The following XG variants were observed in gnomAD, a reference collection of about 807,000 sequenced individuals.
XG encodes Xg glycoprotein (Xg blood group).
In XG, 24 loss-of-function variants were observed where a neutral mutation model predicts 25.7. The ratio of observed to expected loss-of-function variants is 0.93; its 90% CI spans 0.68 to 1.31. The LOEUF is 1.31. Among genes scored for constraint, XG ranks in the 40% most tolerant of loss-of-function variants. The probability of loss-of-function intolerance (pLI) is 0.00; values close to 1 mark genes in which losing one functional copy is unlikely to be tolerated. For missense variants in XG, 181 were observed against 187.6 expected, an observed-to-expected ratio of 0.96 and a Z score of 0.21; for synonymous variants, 77 against 69.2, an observed-to-expected ratio of 1.11 and a Z score of -0.56.
Position 2,759,366 on chromosome X carries a change from G to A in XG, c.61+7031G>A. On this transcript the variant is annotated intron_variant, in intron 1 of 10. Transcript: ENST00000644266. ...GACAGGTTGGAAATGTCATGCTCCTGTACGCTGTAGGAGGTATAGTTGTCT... is the reference window on the plus strand; with the variant it reads ...GACAGGTTGGAAATGTCATGCTCCTATACGCTGTAGGAGGTATAGTTGTCT... Among the ~76,000 whole-genome samples the A allele has an allele frequency of 2.0e-5, 3 of 152,124 alleles. No individual in the cohort carries two copies. The Middle Eastern group carries it at 0.01, about 517-fold the overall frequency.
At chrX:2,757,057 A>G (rs1403563732) in intron 1 of XG, among the ~76,000 whole-genome samples, 1 of 151,640 alleles carries the variant, frequency 6.6e-6, no homozygotes, top group Non-Finnish European at 1.5e-5. Context: ...GATGGAGATG[A>G]CTCTTAGCGG....
intron 4 of XG, among the ~76,000 whole-genome samples, chrX:2,785,174 C>T (rs1168965365): frequency 8.9e-6 from 1 of 112,229 alleles, no homozygotes; most frequent in Non-Finnish European, 1.9e-5. Flanking sequence ...CGGCCTTTTA[C>T]TGAAAACTCA....
chrX:2,776,589 AAAG>A (rs1379090699), intron 3 of XG, among the ~76,000 whole-genome samples: 4 of 152,054 alleles, frequency 2.6e-5, no homozygotes, highest in Non-Finnish European at 5.9e-5. Flanking sequence ...ATTCAGGTGG[AAAG>A]AAGGCTAGGT....
intron 7 of XG, among the ~76,000 whole-genome samples, chrX:2,803,499 C>G (rs1264607938): frequency 1.8e-5 from 2 of 110,791 alleles, no homozygotes; most frequent in Non-Finnish European, 3.8e-5. Flanking sequence ...TCAAATCAGT[C>G]TCCCCAGGCA....
chrX:2,752,389 C>T, intron 1 of XG, 54 bp downstream of exon 1: 4 of 1,611,278 alleles, frequency 2.5e-6, no homozygotes, highest in Non-Finnish European at 3.4e-6. Flanking sequence ...TTTTTCTATT[C>T]TTGCTTTAAG....
At chrX:2,813,369 T>C (rs2087075356) in intron 10 of XG, among the ~76,000 whole-genome samples, 1 of 111,653 alleles carries the variant, frequency 9.0e-6, no homozygotes, top group African/African-American at 3.3e-5. Flanking sequence ...TTATACTATC[T>C]AGGAAATATG....
At chrX:2,794,165 G>A (rs1485434405) in intron 5 of XG, among the ~76,000 whole-genome samples, 2 of 111,337 alleles carry the variant, frequency 1.8e-5, no homozygotes, top group African/African-American at 6.5e-5. Flanking sequence ...TCCAGGGAAG[G>A]AGGGAAGGGC....
intron 4 of XG, among the ~76,000 whole-genome samples, chrX:2,789,102 G>A (rs112025458): frequency 2.4e-4 from 27 of 110,464 alleles, no homozygotes; most frequent in Non-Finnish European, 4.5e-4. Flanking sequence ...ATGGTGGTAT[G>A]CACCTGTAGA....
chrX:2,765,040 C>CA (rs1349371294), intron 1 of XG, among the ~76,000 whole-genome samples: 18 of 15,354 alleles, frequency 1.2e-3, no homozygotes, highest in Non-Finnish European at 1.8e-3. Context: ...GATTCTTTAT[C>CA]CAAAAAAAAA....
intron 1 of XG, among the ~76,000 whole-genome samples, chrX:2,755,798 C>T (rs1159660675): frequency 1.3e-5 from 2 of 152,224 alleles, no homozygotes; most frequent in Non-Finnish European, 2.9e-5. Flanking sequence ...GACCCTGTTT[C>T]ATCCCCAGCC....
chrX:2,766,494 T>C (rs2050693202), intron 1 of XG, among the ~76,000 whole-genome samples: 1 of 88,344 alleles, frequency 1.1e-5, no homozygotes, highest in African/African-American at 6.6e-5. Flanking sequence ...GCTGGGAGCT[T>C]CTCTGGGATG....
chrX:2,777,258 G>C (rs2051019554), intron 3 of XG, among the ~76,000 whole-genome samples: 1 of 152,188 alleles, frequency 6.6e-6, no homozygotes, highest in African/African-American at 2.4e-5. Context: ...TACCTTCACA[G>C]AGAGGATAAG....
intron 7 of XG, among the ~76,000 whole-genome samples, chrX:2,801,858 G>A (rs779703965): frequency 1.2e-4 from 13 of 110,641 alleles, no homozygotes; most frequent in South Asian, 1.2e-3. Flanking sequence ...ACAGGCGCCC[G>A]CCACCACGCC....
At chrX:2,752,393 C>G in intron 1 of XG, 58 bp downstream of exon 1, 3 of 1,610,672 alleles carry the variant, frequency 1.9e-6, no homozygotes, top group African/African-American at 2.7e-5. Flanking sequence ...TCTATTCTTG[C>G]TTTAAGAAAC....
intron 7 of XG, among the ~76,000 whole-genome samples, chrX:2,805,239 T>C (rs2086983940): frequency 8.9e-6 from 1 of 112,579 alleles, no homozygotes; most frequent in African/African-American, 3.2e-5. Context: ...CTGCGGAGAC[T>C]GGGGAGAAAA....
rs2087002243 is a variant in XG at position 2,806,841 on chromosome X, A to C, written c.418+96A>C. On this transcript the variant is annotated intron_variant, in intron 8 of 10. Transcript: ENST00000644266. Reference sequence around the variant, plus strand: ...GCACTGATGGGAAGCTGATGCTTTCATCCAGTGCACAACCAACTGGCCGTT... The same window carrying C: ...GCACTGATGGGAAGCTGATGCTTTCCTCCAGTGCACAACCAACTGGCCGTT... 3.8e-5 allele frequency: 28 copies of C among 734,493 alleles called. No individual in the cohort carries two copies. In the South Asian group the frequency reaches 9.3e-4, roughly 24 times the overall value. 60.5% of individuals were successfully genotyped at this position (734,493 alleles called of 1,213,427 possible).
At chrX:2,771,013 A>T (rs957695003) in intron 2 of XG, among the ~76,000 whole-genome samples, 1 of 151,542 alleles carries the variant, frequency 6.6e-6, no homozygotes, top group African/African-American at 2.4e-5. Flanking sequence ...TGCCAAGCTA[A>T]TTTTTTTCTT....
intron 1 of XG, among the ~76,000 whole-genome samples, chrX:2,762,707 C>T (rs1255349963): frequency 1.3e-5 from 2 of 152,234 alleles, no homozygotes; most frequent in Middle Eastern, 6.3e-3. Flanking sequence ...AGCAGCCTTC[C>T]TTGTCACTTT....
At chrX:2,769,405 C>T (rs2050767164) in intron 1 of XG, among the ~76,000 whole-genome samples, 1 of 152,222 alleles carries the variant, frequency 6.6e-6, no homozygotes, top group African/African-American at 2.4e-5. Context: ...CCTGAACTTC[C>T]CAGAACCTCA....
Sources: gnomAD v4.1 joint callset for allele counts (sites outside exome capture counted in the v4.1 genomes callset) on GRCh38, gnomAD v4.1.1 for gene constraint, MANE v1.5 for transcripts, NCBI Gene and HGNC (gene_info 2026-07-23, HGNC 2026-07-21) for gene names.